ITGAV: variants seen among roughly 807,000 people sequenced by gnomAD.
ITGAV encodes the protein integrin subunit alpha V, also known as integrin alpha-V.
In ITGAV, 76 loss-of-function variants were observed where a neutral mutation model predicts 143.8. The ratio of observed to expected loss-of-function variants is 0.53; its 90% CI spans 0.44 to 0.64. ITGAV has a LOEUF of 0.64. ITGAV is among the 30% of genes least tolerant of loss of function. ITGAV has a pLI of 0.00. For synonymous variants in ITGAV, 453 were observed against 446.7 expected (o/e 1.01, Z -0.18); for missense variants, 1,193 against 1,274.7 (o/e 0.94, Z 0.98).
intron 10 of ITGAV, among the ~76,000 whole-genome samples, 189 bp downstream of exon 10, chr2:186,638,654 GTGTGTGTGTGTGTGTGTA>G (rs1688017764): frequency 2.0e-5 from 3 of 151,362 alleles, no homozygotes; most frequent in African/African-American, 7.3e-5. Context: ...GTGTGTGTGT[GTGTGTGTGTGTGTGTGTA>G]GTATATAAAC....
At chr2:186,650,019 T>G in intron 14 of ITGAV, 134 bp downstream of exon 14, 2 of 576,404 alleles carry the variant, frequency 3.5e-6, no homozygotes, top group Non-Finnish European at 6.0e-6. Flanking sequence ...TATTCATGAT[T>G]TGCTATGGGC....
chr2:186,600,297 A>G, intron 1 of ITGAV: 1 of 1,526,910 alleles, frequency 6.5e-7, no homozygotes. Context: ...CACTTCCCTC[A>G]TCCCCACCCC....
intron 17 of ITGAV, 44 bp downstream of exon 17, chr2:186,656,445 A>G: frequency 7.3e-7 from 1 of 1,360,686 alleles, no homozygotes. Context: ...CTTTTTAGTC[A>G]TTAGTTTTTT....
chr2:186,602,936 C>T (rs545892138), intron 2 of ITGAV, among the ~76,000 whole-genome samples: 9 of 149,786 alleles, frequency 6.0e-5, no homozygotes, highest in East Asian at 5.9e-4. Context: ...ACTTAGGTGA[C>T]GTAAACATTT....
chr2:186,596,074 A>G (rs1330221016), intron 1 of ITGAV, among the ~76,000 whole-genome samples: 1 of 152,198 alleles, frequency 6.6e-6, no homozygotes, highest in African/African-American at 2.4e-5. Flanking sequence ...TGTTTTCAGG[A>G]CGAAGATGAT....
rs2105679992 is a variant in ITGAV at position 186,618,220 on chromosome 2, C to T, written c.317-4119C>T. Among the ~76,000 whole-genome samples the T allele has an allele frequency of 3.3e-5, 5 of 152,322 alleles. No individual in the cohort carries two copies. In the South Asian group the frequency reaches 1.0e-3, roughly 32 times the overall value. On this transcript the variant is annotated intron_variant, in intron 2 of 29. Transcript: ENST00000261023. ...AATTTTGATTAGTAAAGACAAACTT[C>T]CTAATGAGCAAACTTCTTAAAAAGA...
chr2:186,662,073 G>T (rs555467649), intron 18 of ITGAV, among the ~76,000 whole-genome samples: 1 of 151,964 alleles, frequency 6.6e-6, no homozygotes, highest in Admixed American at 6.6e-5. Flanking sequence ...CCTATAGAGT[G>T]ATATCAGCCA....
intron 18 of ITGAV, among the ~76,000 whole-genome samples, chr2:186,660,057 T>G (rs1688702343): frequency 6.6e-6 from 1 of 152,140 alleles, no homozygotes; most frequent in African/African-American, 2.4e-5. Context: ...TCTTAATGTC[T>G]GTCATTCAGT....
chr2:186,637,346 G>A (rs1687974807), intron 8 of ITGAV, among the ~76,000 whole-genome samples: 1 of 151,952 alleles, frequency 6.6e-6, no homozygotes, highest in South Asian at 2.1e-4. Flanking sequence ...GCCGGGCGCG[G>A]TGATGCACAC....
At chr2:186,598,186 A>G (rs1220948799) in intron 1 of ITGAV, among the ~76,000 whole-genome samples, 2 of 152,092 alleles carry the variant, frequency 1.3e-5, no homozygotes, top group Non-Finnish European at 2.9e-5. Flanking sequence ...TATGCACTCA[A>G]AAATCATTTA....
intron 1 of ITGAV, among the ~76,000 whole-genome samples, chr2:186,591,101 T>C (rs780619363): frequency 6.6e-6 from 1 of 152,232 alleles, no homozygotes; most frequent in Non-Finnish European, 1.5e-5. Flanking sequence ...TCTGGGACTG[T>C]CAGACATTTG....
rs1244370750 is a variant in ITGAV, at chr2:186,600,375, T to G, written c.186-1646T>G. 3.9e-6 allele frequency: 6 copies of G among 1,528,114 alleles called. No individual in the cohort carries two copies. In the East Asian group the frequency reaches 1.5e-4, roughly 38 times the overall value. 94.7% of individuals were successfully genotyped at this position (1,528,114 alleles called of 1,614,324 possible). ...CTCCTTCTGATCCTGTACATCTTAA[T>G]GTTGTGGTGAGTTCCTTAGAAATAA... On this transcript the variant is annotated intron_variant, in intron 1 of 29. Coordinates refer to ENST00000261023, the MANE Select transcript of ITGAV (RefSeq NM_002210.5).
rs184632912 is a variant in ITGAV, at chr2:186,631,412, T to C, written c.585+554T>C. ...ATTAATATTCTCTTCAGAATTGATA[T>C]TTTTAATCTATTTTTTGAAAATAAG... On this transcript the variant is annotated intron_variant, in intron 5 of 29. Coordinates refer to ENST00000261023, the MANE Select transcript of ITGAV (RefSeq NM_002210.5). 4.5e-4 allele frequency among the ~76,000 whole-genome samples: 69 copies of C among 152,302 alleles called. 1 individual carries two copies. Among genetic ancestry groups the C allele is most frequent in the Middle Eastern group, 3.4e-3 (1 of 294 alleles).
chr2:186,605,545 G>C (rs1687034813), intron 2 of ITGAV, among the ~76,000 whole-genome samples: 1 of 151,830 alleles, frequency 6.6e-6, no homozygotes. Flanking sequence ...TTTAGTGAAT[G>C]TCTCTTTCCC....
intron 3 of ITGAV, among the ~76,000 whole-genome samples, chr2:186,624,930 TAAC>T (rs1687631888): frequency 7.6e-6 from 1 of 132,128 alleles, no homozygotes. Context: ...CTACCTGAAA[TAAC>T]AATTTTGCTA....
At chr2:186,653,038 C>T (rs1477395463) in intron 15 of ITGAV, among the ~76,000 whole-genome samples, 4 of 149,686 alleles carry the variant, frequency 2.7e-5, no homozygotes, top group East Asian at 4.0e-4. Flanking sequence ...CTCCGCTTCC[C>T]GGGTTCACGC....
At chr2:186,628,528 A>T (rs111413393) in intron 4 of ITGAV, among the ~76,000 whole-genome samples, 4 of 152,028 alleles carry the variant, frequency 2.6e-5, no homozygotes, top group Non-Finnish European at 5.9e-5. Flanking sequence ...AAAAAGCAAA[A>T]TTACTTGGGG....
chr2:186,677,444 A>G lies in ITGAV; in HGVS notation c.*152A>G, dbSNP rs1215864478. 2 of 596,814 alleles carry G rather than the reference A, an allele frequency of 3.4e-6. No individual in the cohort carries two copies. Among genetic ancestry groups the G allele is most frequent in the Non-Finnish European group, 6.0e-6 (2 of 332,834 alleles). 37.0% of individuals were successfully genotyped at this position (596,814 alleles called of 1,614,324 possible). ...CACAAAATGAGAATTATATTTGTCA[A>G]CCTTCTCCTTATAAATAAGTTCAGA... is the stretch of plus-strand genomic sequence containing the variant. On this transcript the variant is annotated 3_prime_UTR_variant, in exon 30 of 30. Coordinates refer to ENST00000261023, the MANE Select transcript of ITGAV (RefSeq NM_002210.5).
intron 2 of ITGAV, among the ~76,000 whole-genome samples, chr2:186,617,720 A>C (rs558857253): frequency 6.6e-6 from 1 of 152,306 alleles, no homozygotes; most frequent in East Asian, 1.9e-4. Flanking sequence ...AAGTTATTTA[A>C]ATACTTTATT....
Sources: allele counts gnomAD v4.1 joint callset (sites outside exome capture counted in the v4.1 genomes callset), GRCh38; gene constraint gnomAD v4.1.1; transcripts MANE v1.5; gene names NCBI Gene and HGNC (gene_info 2026-07-23, HGNC 2026-07-21).